HMCN1: variants seen among roughly 807,000 people sequenced by gnomAD.
HMCN1 encodes hemicentin 1, also known as hemicentin-1.
A neutral mutation model predicts 625.9 loss-of-function variants in HMCN1; 321 were observed. The observed-to-expected ratio is 0.51, with a 90% CI of 0.47 to 0.56. HMCN1 has a LOEUF of 0.56. Ranked by LOEUF, HMCN1 falls within the 20% of genes least tolerant of loss-of-function variation. The pLI, the probability that HMCN1 is intolerant of heterozygous loss-of-function variation, is 0.00. For synonymous variants in HMCN1, 2,425 were observed against 2,417.6 expected, an observed-to-expected ratio of 1.00 and a Z score of -0.09; for missense variants, 6,588 against 6,887.3, an observed-to-expected ratio of 0.96 and a Z score of 1.54.
At chr1:185,773,168 C>G (rs1048307272) in intron 1 of HMCN1, among the ~76,000 whole-genome samples, 1 of 152,152 alleles carries the variant, frequency 6.6e-6, no homozygotes, top group African/African-American at 2.4e-5. Flanking sequence ...GGACATTTGG[C>G]ATTGGCTGGA....
chr1:185,843,663 A>G (rs768975758), intron 1 of HMCN1, among the ~76,000 whole-genome samples: 1 of 152,232 alleles, frequency 6.6e-6, no homozygotes, highest in African/African-American at 2.4e-5. Context: ...CATATCATTC[A>G]ATTAAAATGA....
intron 97 of HMCN1, among the ~76,000 whole-genome samples, chr1:186,160,312 T>G (rs1419134804): frequency 6.7e-6 from 1 of 148,352 alleles, no homozygotes; most frequent in African/African-American, 2.5e-5. Context: ...CTTCTCTCTT[T>G]TTTTCTTTAT....
intron 1 of HMCN1, among the ~76,000 whole-genome samples, chr1:185,777,532 A>G (rs1012607188): frequency 6.7e-6 from 1 of 150,078 alleles, no homozygotes. Context: ...CCTCACTACC[A>G]TCTCCGCCTC....
At chr1:186,090,638 A>T in intron 63 of HMCN1, 120 bp from the exon 64 acceptor site, 1 of 1,110,710 alleles carries the variant, frequency 9.0e-7, no homozygotes, top group Non-Finnish European at 1.3e-6. Flanking sequence ...CAATAGTTTG[A>T]CCTTGAACCA....
chr1:186,022,478 C>T (rs921124634), intron 35 of HMCN1, among the ~76,000 whole-genome samples: 3 of 152,030 alleles, frequency 2.0e-5, no homozygotes, highest in Non-Finnish European at 2.9e-5. Flanking sequence ...TACTAGTAAC[C>T]TCCGAATAGC....
At chr1:186,185,442 GAA>G (rs1427225449) in intron 105 of HMCN1, among the ~76,000 whole-genome samples, 2 of 152,114 alleles carry the variant, frequency 1.3e-5, no homozygotes, top group Non-Finnish European at 2.9e-5. Context: ...ATCATAATTA[GAA>G]ATTTTTTCAC....
At chr1:185,831,684 T>C (rs1473892289) in intron 1 of HMCN1, among the ~76,000 whole-genome samples, 1 of 152,016 alleles carries the variant, frequency 6.6e-6, no homozygotes, top group Non-Finnish European at 1.5e-5. Flanking sequence ...TAAAAATCAA[T>C]AGCTTTTATA....
At position 186,081,278 on chromosome 1, in the gene HMCN1, C is replaced by A. The variant is rs1571322654; in HGVS notation, c.8671C>A (p.Leu2891Met). The change falls in exon 56 of 107, where the codon CTG becomes ATG. Residue 2891 changes from leucine to methionine, a missense_variant. Leu to Met is a conservative substitution (Grantham distance 15). This residue lies in a region of HMCN1 where 4,628 missense variants were observed against 4,853.1 expected (regional missense o/e 0.95). Coordinates refer to ENST00000271588, the MANE Select transcript of HMCN1 (RefSeq NM_031935.3). The part of the protein sequence containing the change: ...EVTVLVNKSA[L>M]IECLSSGSPA... ...CACCGTGCTGGTGAACAAGAGTGCA[C>A]TGATAGAGTGTTTATCCAGTGGCAG... 6.2e-7 allele frequency: 1 copy of A among 1,613,570 alleles called. No homozygotes were observed. The highest frequency in any genetic ancestry group is 2.2e-5 in the East Asian group (1 of 44,862).
chr1:185,803,319 C>T (rs1447963759), intron 1 of HMCN1, among the ~76,000 whole-genome samples: 1 of 150,946 alleles, frequency 6.6e-6, no homozygotes, highest in Non-Finnish European at 1.5e-5. Flanking sequence ...TTAATAAACA[C>T]CTTAAATATA....
At position 186,136,756 on chromosome 1, in the gene HMCN1, TCAAC is replaced by T; in HGVS notation, c.13408_13411del (p.Thr4470LeufsTer44). 1 of 1,614,052 alleles carries T rather than the reference TCAAC, an allele frequency of 6.2e-7. No individual in the cohort carries two copies. Among genetic ancestry groups the T allele is most frequent in the Non-Finnish European group, 8.5e-7 (1 of 1,179,952 alleles). On this transcript the variant is annotated frameshift_variant, in exon 87 of 107. Transcript: ENST00000271588. LOFTEE classifies it high-confidence loss of function. ...TGAATTGTCAGGCAACTGGAGAGCC[TCAAC>T]CAACCATTACATGGTCCCGTCAAGG...
intron 2 of HMCN1, among the ~76,000 whole-genome samples, chr1:185,860,627 A>G (rs1402492903): frequency 6.6e-6 from 1 of 152,092 alleles, no homozygotes; most frequent in East Asian, 1.9e-4. Flanking sequence ...TTCTCTTTTT[A>G]CTTGACATTC....
intron 48 of HMCN1, among the ~76,000 whole-genome samples, chr1:186,063,464 AGG>A (rs763788901): frequency 0.051 from 4,415 of 86,396 alleles, 112 homozygotes; most frequent in Admixed American, 0.073. Flanking sequence ...GAAGGAAGGA[AGG>A]AAGGAAGGAA....
intron 1 of HMCN1, among the ~76,000 whole-genome samples, chr1:185,813,868 G>A (rs114514235): frequency 0.018 from 2,679 of 152,202 alleles, 86 homozygotes; most frequent in African/African-American, 0.059. Context: ...CCAGAAACTG[G>A]AACAGAAGTA....
intron 4 of HMCN1, among the ~76,000 whole-genome samples, chr1:185,889,247 A>G (rs1329676188): frequency 2.1e-5 from 3 of 144,156 alleles, no homozygotes; most frequent in African/African-American, 8.6e-5. Context: ...CAATCATGTC[A>G]TCTGCAAACA....
At chr1:185,801,194 G>C (rs1658770109) in intron 1 of HMCN1, among the ~76,000 whole-genome samples, 1 of 152,132 alleles carries the variant, frequency 6.6e-6, no homozygotes, top group South Asian at 2.1e-4. Context: ...GCATAGTTAG[G>C]GTTTGGTCAA....
At chr1:186,188,889 G>C (rs564889026) in intron 106 of HMCN1, among the ~76,000 whole-genome samples, 1 of 152,190 alleles carries the variant, frequency 6.6e-6, no homozygotes, top group South Asian at 2.1e-4. Flanking sequence ...GGTTCTCTGT[G>C]CATTTTTTCC....
chr1:186,002,941 C>G (rs990818081), intron 28 of HMCN1, among the ~76,000 whole-genome samples: 7 of 152,098 alleles, frequency 4.6e-5, no homozygotes, highest in African/African-American at 1.7e-4. Flanking sequence ...TGATCTACTT[C>G]TTTTCATCCT....
At chr1:185,850,903 A>T (rs796135233) in intron 2 of HMCN1, among the ~76,000 whole-genome samples, 3 of 152,146 alleles carry the variant, frequency 2.0e-5, no homozygotes, top group South Asian at 2.1e-4. Flanking sequence ...TGTTACAGGC[A>T]TTGGGAATAC....
rs762283413 is a variant in HMCN1, at chr1:185,962,633, C to T, written c.1944C>T (p.Asn648=). The T allele has an allele frequency of 6.4e-5, 101 of 1,588,752 alleles. No individual in the cohort carries two copies. The highest frequency in any genetic ancestry group is 3.2e-4 in the Admixed American group (19 of 59,956). ...YPKPKIAWTV[N]DMFIVGSHRY... ...AACCAAAGATTGCCTGGACCGTTAA[C>T]GATATGTTTATCGTGGGTTCACACA... is the stretch of plus-strand genomic sequence containing the variant. The change falls in exon 12 of 107, where the codon AAC becomes AAT. Residue 648 remains asparagine, a synonymous_variant. Transcript: ENST00000271588.
Sources: gnomAD v4.1 joint callset for allele counts (sites outside exome capture counted in the v4.1 genomes callset) on GRCh38, gnomAD v4.1.1 for gene constraint, gnomAD v4.1.1 regional missense constraint, MANE v1.5 for transcripts, NCBI Gene and HGNC (gene_info 2026-07-23, HGNC 2026-07-21) for gene names.